Variants in SOX6 observed in about 807,000 individuals in gnomAD.
SOX6 encodes SRY-box transcription factor 6, also known as transcription factor SOX-6.
In SOX6, 11 loss-of-function variants were observed where a neutral mutation model predicts 97.8. The observed-to-expected ratio is 0.11, with a 90% confidence interval of 0.07 to 0.19. The LOEUF (loss-of-function observed/expected upper bound fraction) is 0.19, where lower values mean the gene tolerates loss of function less well. Ranked by LOEUF, SOX6 falls within the 10% of genes least tolerant of loss-of-function variation. The pLI is 1.00. For synonymous variants in SOX6, 360 were observed against 371.4 expected (o/e 0.97, Z 0.35); for missense variants, 810 against 1,039.5 (o/e 0.78, Z 3.04).
At chr11:16,445,679 C>G (rs780440307) in intron 1 of SOX6, among the ~76,000 whole-genome samples, 1 of 152,008 alleles carries the variant, frequency 6.6e-6, no homozygotes, top group Non-Finnish European at 1.5e-5. Context: ...CTTGAGGAGG[C>G]TGGTTTTAGA....
intron 12 of SOX6, among the ~76,000 whole-genome samples, chr11:16,036,847 A>G (rs1421945273): frequency 6.6e-6 from 1 of 152,192 alleles, no homozygotes; most frequent in Non-Finnish European, 1.5e-5. Flanking sequence ...AGGAATCTAA[A>G]AATAAGAACT....
At chr11:16,603,024 T>TA (rs1565190850) in intron 4 of SOX6, among the ~76,000 whole-genome samples, 1 of 148,012 alleles carries the variant, frequency 6.8e-6, no homozygotes, top group Non-Finnish European at 1.5e-5. Flanking sequence ...CCGTCTCAAA[T>TA]AAAAAAAGAA....
At chr11:15,978,068 T>C (rs916259501) in intron 15 of SOX6, among the ~76,000 whole-genome samples, 1 of 152,112 alleles carries the variant, frequency 6.6e-6, no homozygotes, top group African/African-American at 2.4e-5. Flanking sequence ...TTTTGTTTAC[T>C]AAAGATATCT....
chr11:16,168,719 T>C (rs1850951787), intron 6 of SOX6, among the ~76,000 whole-genome samples: 1 of 152,144 alleles, frequency 6.6e-6, no homozygotes, highest in Admixed American at 6.6e-5. Flanking sequence ...TAGGTCATCA[T>C]GGCTGTACAC....
chr11:16,227,763 T>C (rs141566182), intron 4 of SOX6, among the ~76,000 whole-genome samples: 1 of 152,338 alleles, frequency 6.6e-6, no homozygotes, highest in Non-Finnish European at 1.5e-5. Context: ...TCCTCTTCTA[T>C]CCAATAAAAC....
intron 4 of SOX6, among the ~76,000 whole-genome samples, chr11:16,592,960 C>A (rs923275079): frequency 4.0e-5 from 6 of 151,444 alleles, no homozygotes; most frequent in Non-Finnish European, 1.5e-5. Flanking sequence ...AAATAAGGTG[C>A]CTTGAGCAAG....
intron 4 of SOX6, among the ~76,000 whole-genome samples, chr11:16,204,291 T>C (rs536587386): frequency 6.6e-6 from 1 of 152,232 alleles, no homozygotes; most frequent in African/African-American, 2.4e-5. Flanking sequence ...AGAATAAATT[T>C]TCGTATCTCT....
chr11:16,230,940 T>C (rs1852828947), intron 4 of SOX6, among the ~76,000 whole-genome samples: 1 of 151,500 alleles, frequency 6.6e-6, no homozygotes, highest in South Asian at 2.1e-4. Flanking sequence ...TCAGAGGAGG[T>C]AAGATGGATT....
At chr11:16,553,838 G>C (rs1256411234) in intron 4 of SOX6, among the ~76,000 whole-genome samples, 1 of 152,092 alleles carries the variant, frequency 6.6e-6, no homozygotes, top group Non-Finnish European at 1.5e-5. Flanking sequence ...TCCTATGCCA[G>C]TCCTAAATTC....
intron 9 of SOX6, among the ~76,000 whole-genome samples, chr11:16,095,409 A>T (rs1056304714): frequency 1.3e-5 from 2 of 151,822 alleles, no homozygotes; most frequent in African/African-American, 4.8e-5. Flanking sequence ...ATATGAAAAG[A>T]ATACTACAGA....
intron 6 of SOX6, among the ~76,000 whole-genome samples, chr11:16,114,222 T>C (rs1179721471): frequency 6.6e-6 from 1 of 152,222 alleles, no homozygotes; most frequent in Admixed American, 6.5e-5. Flanking sequence ...TTCATTCATT[T>C]ATCATGCATT....
chr11:16,008,581 T>G (rs10766294), intron 13 of SOX6, among the ~76,000 whole-genome samples: 6 of 151,848 alleles, frequency 4.0e-5, no homozygotes, highest in Non-Finnish European at 2.9e-5. Context: ...GATGGAGTTA[T>G]ACAAGAATCT....
At chr11:16,322,479 C>T (rs1015174685) in intron 2 of SOX6, among the ~76,000 whole-genome samples, 1 of 152,128 alleles carries the variant, frequency 6.6e-6, no homozygotes, top group Non-Finnish European at 1.5e-5. Flanking sequence ...AACCTCTTTT[C>T]TTTATAAATT....
At chr11:16,127,972 C>A (rs775840952) in intron 6 of SOX6, among the ~76,000 whole-genome samples, 4 of 152,264 alleles carry the variant, frequency 2.6e-5, no homozygotes, top group South Asian at 4.1e-4. Flanking sequence ...ATAAACAAAC[C>A]TTACTGTTAG....
chr11:16,327,905 G>A (rs980177086), intron 2 of SOX6, among the ~76,000 whole-genome samples: 74 of 152,262 alleles, frequency 4.9e-4, no homozygotes, highest in African/African-American at 1.8e-3. Flanking sequence ...CGGCTGCCCA[G>A]TCTAACTGTA....
intron 1 of SOX6, among the ~76,000 whole-genome samples, chr11:16,410,759 CAA>C (rs71044100): frequency 1.6e-4 from 10 of 64,380 alleles, no homozygotes; most frequent in Admixed American, 1.9e-4. Context: ...AACCGGTCTC[CAA>C]AAAAAAAAAA....
chr11:16,031,697 T>G, intron 12 of SOX6, among the ~76,000 whole-genome samples: 1 of 149,998 alleles, frequency 6.7e-6, no homozygotes, highest in South Asian at 2.1e-4. Flanking sequence ...AAGATTGCAG[T>G]GAGAAGTGAA....
intron 14 of SOX6, 77 bp downstream of exon 14, chr11:15,988,920 C>A (rs1853953201): frequency 1.4e-6 from 2 of 1,399,790 alleles, no homozygotes; most frequent in Admixed American, 1.7e-5. Flanking sequence ...CCTAGTTATC[C>A]CCTTGCTTCC....
intron 3 of SOX6, chr11:16,252,323 C>T (rs189565024): frequency 6.6e-6 from 1 of 152,340 alleles, no homozygotes; most frequent in African/African-American, 2.4e-5. Flanking sequence ...CAGATTGCTG[C>T]CCCTCAGATT....
Sources: gnomAD v4.1 joint callset for allele counts (sites outside exome capture counted in the v4.1 genomes callset) on GRCh38, gnomAD v4.1.1 for gene constraint, MANE v1.5 for transcripts, NCBI Gene and HGNC (gene_info 2026-07-23, HGNC 2026-07-21) for gene names.